GSS: variants seen among roughly 807,000 people sequenced by gnomAD.
GSS encodes glutathione synthetase.
Under a neutral mutation model 60.4 loss-of-function variants are expected in GSS, and 34 were observed. The ratio of observed to expected loss-of-function variants is 0.56; its 90% CI spans 0.43 to 0.75. GSS has a LOEUF of 0.75. GSS is among the 30% of genes least tolerant of loss of function. The probability of loss-of-function intolerance (pLI) is 0.00; values close to 1 mark genes in which losing one functional copy is unlikely to be tolerated. For synonymous variants in GSS, 224 were observed against 239.0 expected, an observed-to-expected ratio of 0.94 and a Z score of 0.58; for missense variants, 499 against 595.1, an observed-to-expected ratio of 0.84 and a Z score of 1.68.
chr20:34,929,518 T>C lies in GSS; in HGVS notation c.1184A>G (p.Tyr395Cys), dbSNP rs781651712. Residue 395 changes from tyrosine (Y) to cysteine (C), a missense_variant, in exon 12 of 13, where the codon TAC becomes TGC. Physicochemically the swap from Tyr to Cys is radical, Grantham distance 194. Coordinates refer to ENST00000651619, the MANE Select transcript of GSS (RefSeq NM_000178.4). ...AGGTTCGATCTTCTCCATGAGGATG[T>C]AGGAGGCCCTCTCCTCACTGTCCTT... ...QLKDSEERASYILMEKIEPEP... is the reference protein window; with the variant it reads ...QLKDSEERASCILMEKIEPEP... The C allele has an allele frequency of 7.4e-6, 12 of 1,613,468 alleles. No individual in the cohort carries two copies. Among genetic ancestry groups the C allele is most frequent in the Non-Finnish European group, 1.0e-5 (12 of 1,179,354 alleles).
chr20:34,931,328 C>A lies in GSS; in HGVS notation c.1111+8G>T, dbSNP rs1021215063. The A allele has an allele frequency of 1.9e-6, 3 of 1,608,394 alleles. No homozygotes were observed. The African/African-American group carries it at 4.0e-5, about 21-fold the overall frequency. On this transcript the variant is annotated splice_region_variant and intron_variant, in intron 11 of 12. Transcript: ENST00000651619. ...ATTGAGGAGCCCTGCAAAGGGAGATCCACCTACCTCCACCCTCTCTCTGGG... is the reference window on the plus strand; with the variant it reads ...ATTGAGGAGCCCTGCAAAGGGAGATACACCTACCTCCACCCTCTCTCTGGG...
chr20:34,944,742 G>T (rs2081507467), intron 3 of GSS, among the ~76,000 whole-genome samples: 1 of 152,134 alleles, frequency 6.6e-6, no homozygotes, highest in Non-Finnish European at 1.5e-5. Context: ...ATAGCCTGAA[G>T]ATTATTTTAT....
chr20:34,950,457 T>C (rs1486137645), intron 2 of GSS, among the ~76,000 whole-genome samples: 3 of 151,690 alleles, frequency 2.0e-5, no homozygotes, highest in Non-Finnish European at 4.4e-5. Flanking sequence ...ACTGTTAAGT[T>C]AAAGAAAAAA....
In GSS at chr20:34,942,550, G is replaced by A. The variant is rs145606015; in HGVS notation, c.429C>T (p.Ile143=). 20 of 1,613,936 alleles carry A rather than the reference G, an allele frequency of 1.2e-5. No homozygotes were observed. The highest frequency in any genetic ancestry group is 8.9e-5 in the East Asian group (4 of 44,862). ...SADGSPALKQ[I]EINTISASFG... Reference sequence around the variant, plus strand: ...AGCTGGCAGAGATGGTGTTGATTTCGATCTGTTTCAGGGCTGGGGAGCCAT... The same window carrying A: ...AGCTGGCAGAGATGGTGTTGATTTCAATCTGTTTCAGGGCTGGGGAGCCAT... The change falls in exon 5 of 13, where the codon ATC becomes ATT. Residue 143 remains isoleucine (I), a synonymous_variant. Transcript: ENST00000651619.
intron 11 of GSS, 41 bp downstream of exon 11, chr20:34,931,295 T>A (rs201234695): frequency 6.9e-6 from 10 of 1,457,392 alleles, no homozygotes; most frequent in South Asian, 1.1e-5. Flanking sequence ...AGCCTGCTAG[T>A]CCCTCTCATT....
chr20:34,936,704 G>C, intron 8 of GSS, 59 bp downstream of exon 8: 1 of 1,113,442 alleles, frequency 9.0e-7, no homozygotes, highest in Non-Finnish European at 1.4e-6. Context: ...TTTTGGGGAA[G>C]AGGGTGGCAG....
chr20:34,953,831 G>A (rs753040007), intron 1 of GSS, among the ~76,000 whole-genome samples: 5 of 151,990 alleles, frequency 3.3e-5, no homozygotes, highest in Admixed American at 2.0e-4. Flanking sequence ...TAGCCAGGAT[G>A]GTCTCGATCT....
At chr20:34,949,183 G>A (rs1344560921) in intron 2 of GSS, among the ~76,000 whole-genome samples, 2 of 152,062 alleles carry the variant, frequency 1.3e-5, no homozygotes, top group African/African-American at 2.4e-5. Flanking sequence ...TGAATTTTGC[G>A]CCCTGTTCAA....
chr20:34,941,130 G>A (rs1282608899), intron 6 of GSS, among the ~76,000 whole-genome samples: 1 of 152,202 alleles, frequency 6.6e-6, no homozygotes, highest in Non-Finnish European at 1.5e-5. Context: ...GCCAAGGTGG[G>A]CGGATCACGA....
At chr20:34,954,596 G>C (rs954990313) in intron 1 of GSS, 15 of 153,056 alleles carry the variant, frequency 9.8e-5, no homozygotes, top group African/African-American at 3.4e-4. Flanking sequence ...AAAGAAATCA[G>C]ATGAAGGTGC....
intron 5 of GSS, 53 bp downstream of exon 5, chr20:34,942,435 A>C (rs2081490514): frequency 3.3e-6 from 5 of 1,538,030 alleles, no homozygotes; most frequent in Non-Finnish European, 2.7e-6. Flanking sequence ...GTGACTGTAC[A>C]CCCATCAGCA....
Position 34,941,794 on chromosome 20 carries a change from G to C in GSS, c.527C>G (p.Ala176Gly). ...VLSVLSKTKE[A>G]GKILSNNPSK... ...GGGATTATTAGAGAGGATCTTGCCA[G>C]CTTCTTTGGTCTTACTCAGGACACT... Residue 176 changes from alanine (A) to glycine (G), a missense_variant, in exon 6 of 13, where the codon GCT becomes GGT. Transcript: ENST00000651619. The C allele has an allele frequency of 1.2e-6, 2 of 1,610,816 alleles. No individual in the cohort carries two copies. The highest frequency in any genetic ancestry group is 1.7e-6 in the Non-Finnish European group (2 of 1,178,536).
chr20:34,951,882 G>C (rs771066264), intron 1 of GSS, 22 bp from the exon 2 acceptor site: 3 of 1,612,986 alleles, frequency 1.9e-6, no homozygotes, highest in Non-Finnish European at 2.5e-6. Flanking sequence ...GGAGAGAAGA[G>C]AGTTGGTAAC....
chr20:34,952,187 C>A, intron 1 of GSS: 1 of 388,980 alleles, frequency 2.6e-6, no homozygotes. Context: ...GACTTGAACC[C>A]ATGTCTCTGG....
At chr20:34,933,087 C>T (rs984996129) in intron 9 of GSS, among the ~76,000 whole-genome samples, 1 of 152,144 alleles carries the variant, frequency 6.6e-6, no homozygotes. Flanking sequence ...CTCATGCAAT[C>T]CACCTACCTA....
chr20:34,939,725 AG>A (rs1432040956), intron 6 of GSS, among the ~76,000 whole-genome samples: 1 of 148,364 alleles, frequency 6.7e-6, no homozygotes, highest in African/African-American at 2.5e-5. Flanking sequence ...GCTGGAGTGC[AG>A]TGGGGTGATC....
intron 3 of GSS, among the ~76,000 whole-genome samples, chr20:34,945,487 C>T (rs1051446001): frequency 3.9e-5 from 6 of 151,986 alleles, no homozygotes; most frequent in African/African-American, 1.4e-4. Context: ...GTCTGTACCC[C>T]ATCCCATCCA....
chr20:34,936,684 G>T, intron 8 of GSS, 79 bp downstream of exon 8: 4 of 1,012,576 alleles, frequency 4.0e-6, no homozygotes, highest in Non-Finnish European at 6.3e-6. Flanking sequence ...TCTCCCAGAA[G>T]AAAGAATCAT....
chr20:34,955,395 A>C (rs890906770), intron 1 of GSS: 2 of 152,238 alleles, frequency 1.3e-5, no homozygotes, highest in Non-Finnish European at 2.9e-5. Context: ...TCGGCTGCCC[A>C]GGCTGGCCCC....
Sources: gnomAD v4.1 joint callset for allele counts (sites outside exome capture counted in the v4.1 genomes callset) on GRCh38, gnomAD v4.1.1 for gene constraint, MANE v1.5 for transcripts, NCBI Gene and HGNC (gene_info 2026-07-23, HGNC 2026-07-21) for gene names.